Variants in PPP1R21 observed in about 807,000 individuals in gnomAD.
PPP1R21 encodes KLRAQ motif containing 1.
PPP1R21 carries 85 observed loss-of-function variants against 112.8 expected under a neutral mutation model. The ratio of observed to expected loss-of-function variants is 0.75; its 90% CI spans 0.63 to 0.90. The LOEUF is 0.90. PPP1R21 is among the 40% of genes least tolerant of loss of function. The probability of loss-of-function intolerance (pLI) is 0.00; values close to 1 mark genes in which losing one functional copy is unlikely to be tolerated. For missense variants in PPP1R21, 1,199 were observed against 901.5 expected (o/e 1.33, Z -4.23); for synonymous variants, 381 against 322.3 (o/e 1.18, Z -1.95).
intron 14 of PPP1R21, among the ~76,000 whole-genome samples, 150 bp from the exon 15 acceptor site, chr2:48,490,864 CAAAT>C (rs1165362086): frequency 5.3e-5 from 8 of 152,046 alleles, no homozygotes; most frequent in Non-Finnish European, 4.4e-5. Context: ...TAGGTATTCT[CAAAT>C]AAATAAATGT....
At chr2:48,507,952 A>C (rs938540544) in intron 19 of PPP1R21, among the ~76,000 whole-genome samples, 1 of 150,700 alleles carries the variant, frequency 6.6e-6, no homozygotes, top group African/African-American at 2.4e-5. Flanking sequence ...TTTTGTAGAG[A>C]TGGAGTTTCA....
intron 14 of PPP1R21, among the ~76,000 whole-genome samples, chr2:48,487,831 T>G (rs1669380093): frequency 1.3e-5 from 2 of 151,396 alleles, no homozygotes; most frequent in South Asian, 4.2e-4. Context: ...ATTCTCAGAG[T>G]GTGCGTTCAT....
intron 1 of PPP1R21, among the ~76,000 whole-genome samples, chr2:48,450,769 C>T (rs536311238): frequency 1.3e-5 from 2 of 150,994 alleles, no homozygotes; most frequent in South Asian, 4.2e-4. Context: ...CCCATTTTTG[C>T]CATTGATTTT....
intron 1 of PPP1R21, among the ~76,000 whole-genome samples, chr2:48,447,642 AAGAT>A (rs1639148574): frequency 1.3e-5 from 2 of 152,262 alleles, no homozygotes; most frequent in Non-Finnish European, 2.9e-5. Context: ...GGTGCAGAGA[AAGAT>A]AGATTCTAAA....
chr2:48,451,082 C>A lies in PPP1R21; in HGVS notation c.126+6C>A, dbSNP rs1667450169. ...CAAATTCTGCAGCTTTAAAGGTGGG[C>A]AACAGGATATTTGTGTTGTGAGGGT... On this transcript the variant is annotated splice_donor_region_variant and intron_variant, in intron 2 of 21. Transcript: ENST00000294952. 1 of 1,610,272 alleles carries A rather than the reference C, an allele frequency of 6.2e-7. No individual in the cohort carries two copies. Among genetic ancestry groups the A allele is most frequent in the African/African-American group, 1.3e-5 (1 of 74,790 alleles).
At position 48,458,162 on chromosome 2, in the gene PPP1R21, C is replaced by A. The variant is rs778816851; in HGVS notation, c.310C>A (p.Gln104Lys). The change falls in exon 4 of 22, where the codon CAG (glutamine) becomes AAG (lysine). Residue 104 changes from glutamine to lysine, a missense_variant. Gln to Lys is a moderately conservative substitution (Grantham distance 53). Coordinates refer to ENST00000294952, the MANE Select transcript of PPP1R21 (RefSeq NM_001135629.3). ...ATCTTCTTCTCAGTTGAGTCAAGAG[C>A]AGAAGAGTGTCTTTGATGAAGATCT... ...GESSSQLSQE[Q>K]KSVFDEDLQK... 1 of 1,611,954 alleles carries A rather than the reference C, an allele frequency of 6.2e-7. No individual in the cohort carries two copies. Among genetic ancestry groups the A allele is most frequent in the East Asian group, 2.2e-5 (1 of 44,716 alleles).
At chr2:48,441,062 T>C (rs1383949469) in intron 1 of PPP1R21, 52 bp downstream of exon 1, 1 of 1,361,612 alleles carries the variant, frequency 7.3e-7, no homozygotes, top group East Asian at 2.3e-5. Context: ...GGCCTCAGGT[T>C]GCCGTGGCAG....
chr2:48,451,267 C>T (rs1667456780), intron 2 of PPP1R21, among the ~76,000 whole-genome samples, 191 bp downstream of exon 2: 1 of 152,102 alleles, frequency 6.6e-6, no homozygotes, highest in South Asian at 2.1e-4. Context: ...CTTTGATTTC[C>T]TTAGCTAAAA....
chr2:48,465,432 A>G (rs1434330625), intron 8 of PPP1R21, 61 bp from the exon 9 acceptor site: 4 of 1,470,760 alleles, frequency 2.7e-6, no homozygotes, highest in East Asian at 2.3e-5. Flanking sequence ...CAGACTCAAT[A>G]AAGTTCTTTT....
At chr2:48,463,047 TTTG>T (rs1208592168) in intron 7 of PPP1R21, among the ~76,000 whole-genome samples, 1 of 152,204 alleles carries the variant, frequency 6.6e-6, no homozygotes, top group African/African-American at 2.4e-5. Flanking sequence ...CGAGGTTAAC[TTTG>T]TTGTTGTTTA....
At chr2:48,455,215 T>C (rs1332226908) in intron 3 of PPP1R21, among the ~76,000 whole-genome samples, 1 of 150,848 alleles carries the variant, frequency 6.6e-6, no homozygotes, top group Non-Finnish European at 1.5e-5. Flanking sequence ...GGCACGATCT[T>C]AGCTCACCAC....
intron 7 of PPP1R21, among the ~76,000 whole-genome samples, chr2:48,461,879 A>C (rs1321937749): frequency 6.6e-6 from 1 of 152,232 alleles, no homozygotes; most frequent in Non-Finnish European, 1.5e-5. Context: ...CATGATTGAA[A>C]TTAATATTTT....
Position 48,471,403 on chromosome 2 carries a change from T to G in PPP1R21, c.1088+36T>G, listed in dbSNP as rs1021280864. ...CCGGAGGCCAGGGAACTTGGGGAAT[T>G]GTGGGTGTAACCTGATCTGGCTGGC... On this transcript the variant is annotated intron_variant, in intron 11 of 21. Coordinates refer to ENST00000294952, the MANE Select transcript of PPP1R21 (RefSeq NM_001135629.3). 4.4e-6 allele frequency: 7 copies of G among 1,575,012 alleles called. No individual in the cohort carries two copies. The African/African-American group carries it at 5.5e-5, about 12-fold the overall frequency.
intron 14 of PPP1R21, among the ~76,000 whole-genome samples, chr2:48,490,713 G>T (rs553837646): frequency 1.8e-4 from 28 of 152,286 alleles, no homozygotes; most frequent in Non-Finnish European, 2.6e-4. Flanking sequence ...ATGAGGTAAA[G>T]AGCTCATGAA....
At chr2:48,488,116 G>T (rs1415256619) in intron 14 of PPP1R21, among the ~76,000 whole-genome samples, 2 of 152,162 alleles carry the variant, frequency 1.3e-5, no homozygotes, top group South Asian at 4.1e-4. Flanking sequence ...TATTTCCAAA[G>T]TTGGACTGGC....
chr2:48,454,263 AAAATAAATAAAT>A (rs369243414), intron 2 of PPP1R21, among the ~76,000 whole-genome samples: 3 of 151,286 alleles, frequency 2.0e-5, no homozygotes, highest in Admixed American at 6.6e-5. Flanking sequence ...TCTGTCTCAA[AAAATAAATAAAT>A]AAATAAATAA....
chr2:48,504,461 T>G (rs1286650387), intron 17 of PPP1R21, among the ~76,000 whole-genome samples: 2 of 152,206 alleles, frequency 1.3e-5, no homozygotes, highest in East Asian at 3.9e-4. Flanking sequence ...GCCAACATGG[T>G]GAAACCTGCC....
intron 21 of PPP1R21, 22 bp from the exon 22 acceptor site, chr2:48,514,690 ATTG>A: frequency 6.7e-7 from 1 of 1,499,022 alleles, no homozygotes; most frequent in Non-Finnish European, 9.3e-7. Context: ...TTATGTTCTT[ATTG>A]TTGATATTTT....
At chr2:48,464,309 G>A (rs917063368) in intron 7 of PPP1R21, among the ~76,000 whole-genome samples, 7 of 152,170 alleles carry the variant, frequency 4.6e-5, no homozygotes, top group African/African-American at 1.4e-4. Flanking sequence ...GAGAACCTGG[G>A]CAGAGAAGGG....
Sources: gnomAD v4.1 joint callset for allele counts (sites outside exome capture counted in the v4.1 genomes callset) on GRCh38, gnomAD v4.1.1 for gene constraint, MANE v1.5 for transcripts, NCBI Gene and HGNC (gene_info 2026-07-23, HGNC 2026-07-21) for gene names.